ZNF277: variants seen among roughly 807,000 people sequenced by gnomAD.
ZNF277 encodes zinc finger protein 277, also known as nuclear receptor-interacting factor 4.
Under a neutral mutation model 60.7 loss-of-function variants are expected in ZNF277, and 55 were observed. That is an observed-to-expected ratio of 0.91 (90% CI 0.73 to 1.13). The LOEUF is 1.13. ZNF277 is among the 50% of genes most tolerant of loss of function. The pLI, the probability that ZNF277 is intolerant of heterozygous loss-of-function variation, is 0.00. For synonymous variants in ZNF277, 178 were observed against 179.3 expected, an observed-to-expected ratio of 0.99 and a Z score of 0.06; for missense variants, 510 against 523.0, an observed-to-expected ratio of 0.98 and a Z score of 0.24.
intron 1 of ZNF277, among the ~76,000 whole-genome samples, chr7:112,217,794 G>A (rs570516599): frequency 6.6e-6 from 1 of 152,200 alleles, no homozygotes; most frequent in South Asian, 2.1e-4. Flanking sequence ...GTTGTTCCTA[G>A]GGATAACATC....
intron 1 of ZNF277, among the ~76,000 whole-genome samples, chr7:112,234,417 G>A (rs552104832): frequency 6.6e-5 from 10 of 152,268 alleles, no homozygotes; most frequent in African/African-American, 2.2e-4. Flanking sequence ...CATGGCAGAA[G>A]GGACAAGGCA....
chr7:112,260,195 A>G (rs1791411167), intron 1 of ZNF277, among the ~76,000 whole-genome samples: 1 of 152,102 alleles, frequency 6.6e-6, no homozygotes, highest in Non-Finnish European at 1.5e-5. Context: ...GAGCCCAGGA[A>G]GTTGAGGCTG....
intron 1 of ZNF277, among the ~76,000 whole-genome samples, chr7:112,228,948 A>G (rs2116974171): frequency 6.6e-6 from 1 of 152,296 alleles, no homozygotes; most frequent in Admixed American, 6.5e-5. Flanking sequence ...AGTTTTGGTG[A>G]GGTATGAAGT....
intron 4 of ZNF277, among the ~76,000 whole-genome samples, chr7:112,309,139 G>T (rs1332542582): frequency 6.6e-6 from 1 of 151,924 alleles, no homozygotes; most frequent in African/African-American, 2.4e-5. Flanking sequence ...CTCTTCCAAG[G>T]TGCCATATTT....
chr7:112,320,405 A>G (rs1364107176), intron 5 of ZNF277, among the ~76,000 whole-genome samples: 1 of 152,094 alleles, frequency 6.6e-6, no homozygotes, highest in Non-Finnish European at 1.5e-5. Context: ...CTTTTCATTT[A>G]TGAAAAGCTC....
At chr7:112,316,358 C>CTCTTTTGAGAAGTGTCT (rs1792844100) in intron 4 of ZNF277, among the ~76,000 whole-genome samples, 1 of 151,744 alleles carries the variant, frequency 6.6e-6, no homozygotes, top group Non-Finnish European at 1.5e-5. Context: ...TATAAGTGTC[C>CTCTTTTGAGAAGTGTCT]TCTTTTGAGA....
At chr7:112,310,810 G>A (rs1584400312) in intron 4 of ZNF277, among the ~76,000 whole-genome samples, 2 of 152,202 alleles carry the variant, frequency 1.3e-5, no homozygotes, top group African/African-American at 4.8e-5. Context: ...AGCTGGTTCT[G>A]CCATGCTGCT....
chr7:112,282,127 G>C (rs929380658), intron 1 of ZNF277, among the ~76,000 whole-genome samples: 2 of 152,230 alleles, frequency 1.3e-5, no homozygotes, highest in Non-Finnish European at 2.9e-5. Flanking sequence ...CACCACACCA[G>C]CTACATGAAA....
At position 112,255,327 on chromosome 7, in the gene ZNF277, A is replaced by G. The variant is rs1791284573; in HGVS notation, c.92-31546A>G. Among the ~76,000 whole-genome samples the G allele has an allele frequency of 1.3e-5, 2 of 152,204 alleles. 1 individual carries two copies. Among genetic ancestry groups the G allele is most frequent in the East Asian group, 3.8e-4 (2 of 5,202 alleles). On this transcript the variant is annotated intron_variant, in intron 1 of 11. Coordinates refer to ENST00000361822, the MANE Select transcript of ZNF277 (RefSeq NM_021994.3). ...AGGACACAAGTTAACTTTATCACAT[A>G]AAGTTTTAAGAGGCAGGTAGGATCC...
rs765229788 is a variant in ZNF277 at position 112,286,861 on chromosome 7, G to C, written c.92-12G>C. ...TCTTTCTTTTTTTTTTTTTTTTTTT[G>C]GTCTATTCCAGACAGTAAGGATTGT... On this transcript the variant is annotated splice_polypyrimidine_tract_variant and intron_variant, in intron 1 of 11. Transcript: ENST00000361822. The C allele has an allele frequency of 3.6e-6, 2 of 548,310 alleles. No individual in the cohort carries two copies. Among genetic ancestry groups the C allele is most frequent in the Non-Finnish European group, 4.9e-6 (2 of 407,402 alleles). The allele number at this position is 548,310 out of a possible 1,614,324, so 34.0% of individuals were successfully genotyped here.
chr7:112,241,152 A>C (rs1022723973), intron 1 of ZNF277, among the ~76,000 whole-genome samples: 1 of 152,044 alleles, frequency 6.6e-6, no homozygotes, highest in Non-Finnish European at 1.5e-5. Flanking sequence ...AAACAACTCT[A>C]TTGGAAAAAA....
intron 1 of ZNF277, among the ~76,000 whole-genome samples, chr7:112,248,149 A>G (rs970157262): frequency 6.6e-6 from 1 of 152,184 alleles, no homozygotes; most frequent in African/African-American, 2.4e-5. Flanking sequence ...TGTGAAATCA[A>G]GAATCTGTGT....
At chr7:112,332,361 G>A (rs999034588) in intron 7 of ZNF277, among the ~76,000 whole-genome samples, 1 of 152,028 alleles carries the variant, frequency 6.6e-6, no homozygotes, top group Non-Finnish European at 1.5e-5. Context: ...AGGGGACTGG[G>A]GCACAGAGAG....
chr7:112,227,554 A>G (rs911384535), intron 1 of ZNF277, among the ~76,000 whole-genome samples: 1 of 152,196 alleles, frequency 6.6e-6, no homozygotes, highest in Non-Finnish European at 1.5e-5. Context: ...GTTACCGTCT[A>G]TTTACACATC....
At chr7:112,213,431 G>A (rs185617129) in intron 1 of ZNF277, among the ~76,000 whole-genome samples, 36 of 152,226 alleles carry the variant, frequency 2.4e-4, no homozygotes, top group South Asian at 1.0e-3. Flanking sequence ...AAATCAATGG[G>A]ACCCAACTTG....
chr7:112,214,364 GTTCAGTTTTGAC>G (rs1821829539), intron 1 of ZNF277, among the ~76,000 whole-genome samples: 1 of 152,122 alleles, frequency 6.6e-6, no homozygotes, highest in South Asian at 2.1e-4. Context: ...CAAAATTAGG[GTTCAGTTTTGAC>G]TTATTTGATA....
intron 1 of ZNF277, among the ~76,000 whole-genome samples, chr7:112,211,871 C>T (rs981068868): frequency 2.6e-5 from 4 of 152,220 alleles, no homozygotes; most frequent in Non-Finnish European, 4.4e-5. Flanking sequence ...CCTTATTTCA[C>T]TTTTGTACAT....
In ZNF277 at chr7:112,295,944, C is replaced by T; in HGVS notation, c.369C>T (p.Ser123=). 1 of 1,611,086 alleles carries T rather than the reference C, an allele frequency of 6.2e-7. No individual in the cohort carries two copies. The highest frequency in any genetic ancestry group is 8.5e-7 in the Non-Finnish European group (1 of 1,177,684). Residue 123 remains serine, a synonymous_variant, in exon 3 of 12, where the codon TCC becomes TCT. Coordinates refer to ENST00000361822, the MANE Select transcript of ZNF277 (RefSeq NM_021994.3). ...TTTGTAGTGTAATAAGAATTAATTC[C>T]ACTGCTCCATTTGGTAAGTGTACAT... ...TDFCSVIRIN[S]TAPFEEQENY...
At chr7:112,232,411 A>C (rs1390237093) in intron 1 of ZNF277, among the ~76,000 whole-genome samples, 1 of 152,106 alleles carries the variant, frequency 6.6e-6, no homozygotes, top group Non-Finnish European at 1.5e-5. Context: ...ACCTGTTCTG[A>C]GTTGATGGTA....
Sources: gnomAD v4.1 joint callset for allele counts (sites outside exome capture counted in the v4.1 genomes callset) on GRCh38, gnomAD v4.1.1 for gene constraint, MANE v1.5 for transcripts, NCBI Gene and HGNC (gene_info 2026-07-23, HGNC 2026-07-21) for gene names.